The following CACHD1 variants were observed in gnomAD, a reference collection of about 807,000 sequenced individuals.
CACHD1 encodes cache domain containing 1, also known as VWFA and cache domain-containing protein 1.
CACHD1 carries 71 observed loss-of-function variants against 138.7 expected under a neutral mutation model. The observed-to-expected ratio is 0.51, with a 90% confidence interval of 0.42 to 0.62. CACHD1 has a LOEUF of 0.62. Among genes scored for constraint, CACHD1 ranks in the 20% least tolerant of loss-of-function variants. The probability of loss-of-function intolerance (pLI) is 0.00; values close to 1 mark genes in which losing one functional copy is unlikely to be tolerated. For synonymous variants in CACHD1, 578 were observed against 591.5 expected, an observed-to-expected ratio of 0.98 and a Z score of 0.33; for missense variants, 1,389 against 1,625.3, an observed-to-expected ratio of 0.85 and a Z score of 2.50.
At chr1:64,550,234 T>A (rs189043120) in intron 1 of CACHD1, among the ~76,000 whole-genome samples, 181 of 152,360 alleles carry the variant, frequency 1.2e-3, no homozygotes, top group Admixed American at 2.7e-3. Flanking sequence ...GATGTTAGTG[T>A]CCGTAAACAA....
chr1:64,540,294 A>G (rs1236906932), intron 1 of CACHD1, among the ~76,000 whole-genome samples: 1 of 152,126 alleles, frequency 6.6e-6, no homozygotes, highest in Non-Finnish European at 1.5e-5. Context: ...GTGAAACAAA[A>G]ATTGCCTTAA....
chr1:64,476,906 C>A (rs998148970), intron 1 of CACHD1, among the ~76,000 whole-genome samples: 2 of 152,084 alleles, frequency 1.3e-5, no homozygotes, highest in Admixed American at 6.6e-5. Context: ...CAGGCAGGAA[C>A]CTTGCAGAAC....
chr1:64,552,756 G>C (rs1310273198), intron 2 of CACHD1, among the ~76,000 whole-genome samples: 1 of 152,182 alleles, frequency 6.6e-6, no homozygotes, highest in African/African-American at 2.4e-5. Context: ...TGGGATTACA[G>C]GCATGGGCCA....
chr1:64,666,850 A>G (rs1043074595), intron 16 of CACHD1, among the ~76,000 whole-genome samples: 3 of 128,150 alleles, frequency 2.3e-5, no homozygotes, highest in Non-Finnish European at 4.6e-5. Flanking sequence ...TCCTGTCTCA[A>G]AAAAAAAAAA....
At chr1:64,558,082 C>A (rs1646812065) in intron 2 of CACHD1, among the ~76,000 whole-genome samples, 1 of 152,198 alleles carries the variant, frequency 6.6e-6, no homozygotes, top group African/African-American at 2.4e-5. Context: ...CAGGCATGAG[C>A]CACCACACCA....
intron 1 of CACHD1, among the ~76,000 whole-genome samples, chr1:64,507,648 A>G (rs549255155): frequency 3.9e-5 from 6 of 152,228 alleles, no homozygotes; most frequent in Non-Finnish European, 5.9e-5. Flanking sequence ...CTCAGGTTGT[A>G]TTAGGAACAC....
chr1:64,649,492 C>T (rs1649019355), intron 9 of CACHD1, among the ~76,000 whole-genome samples: 1 of 152,120 alleles, frequency 6.6e-6, no homozygotes, highest in South Asian at 2.1e-4. Flanking sequence ...ATGCATGTAG[C>T]TTACATTACT....
At chr1:64,508,241 A>G (rs550657060) in intron 1 of CACHD1, among the ~76,000 whole-genome samples, 1 of 152,354 alleles carries the variant, frequency 6.6e-6, no homozygotes, top group African/African-American at 2.4e-5. Flanking sequence ...TCCGTCTTCC[A>G]ACATTGGGGT....
At chr1:64,571,976 G>C (rs1282482241) in intron 2 of CACHD1, among the ~76,000 whole-genome samples, 1 of 152,148 alleles carries the variant, frequency 6.6e-6, no homozygotes, top group East Asian at 1.9e-4. Flanking sequence ...GTTACACTTA[G>C]TGTTTATAAG....
At chr1:64,478,811 T>C (rs1646191766) in intron 1 of CACHD1, among the ~76,000 whole-genome samples, 1 of 152,112 alleles carries the variant, frequency 6.6e-6, no homozygotes, top group African/African-American at 2.4e-5. Flanking sequence ...TGTTGCAAGC[T>C]GGAGGACATG....
chr1:64,584,216 G>C (rs1379489031), intron 3 of CACHD1, among the ~76,000 whole-genome samples: 1 of 152,146 alleles, frequency 6.6e-6, no homozygotes, highest in Non-Finnish European at 1.5e-5. Context: ...AACTTAAAAG[G>C]CTGGAAGAAA....
chr1:64,663,156 T>G (rs1165906272), intron 13 of CACHD1, among the ~76,000 whole-genome samples: 1 of 150,464 alleles, frequency 6.6e-6, no homozygotes, highest in Non-Finnish European at 1.5e-5. Context: ...TCAGATAGTT[T>G]GAAGAATTTC....
intron 2 of CACHD1, among the ~76,000 whole-genome samples, chr1:64,551,073 CTTAAA>C (rs1404573627): frequency 6.6e-6 from 1 of 152,124 alleles, no homozygotes; most frequent in African/African-American, 2.4e-5. Context: ...GTTTCTCAAT[CTTAAA>C]TAAGAGGAAC....
rs1055132827 is a variant in CACHD1 at position 64,470,677 on chromosome 1, G to T, written c.-68G>T. 18 of 457,684 alleles carry T rather than the reference G, an allele frequency of 3.9e-5. No homozygotes were observed. The highest frequency in any genetic ancestry group is 2.1e-4 in the South Asian group (5 of 23,898). 28.4% of individuals were successfully genotyped at this position (457,684 alleles called of 1,614,324 possible). ...TTTGCGGGGTGCGCCGCGCTTTTGC[G>T]GGGGGCACCTCCCGCGGCCCGCTTC... On this transcript the variant is annotated 5_prime_UTR_variant, in exon 1 of 27. Transcript: ENST00000651257. This position sits in a 1 kb window ranked among gnomAD's most constrained non-coding sequence, Gnocchi z 5.2.
chr1:64,650,220 C>T (rs1487264991), intron 9 of CACHD1, among the ~76,000 whole-genome samples: 4 of 152,146 alleles, frequency 2.6e-5, no homozygotes, highest in Non-Finnish European at 5.9e-5. Flanking sequence ...ACTTTGTTCT[C>T]AACCTGTCCA....
At chr1:64,599,712 AC>A (rs908506500) in intron 3 of CACHD1, among the ~76,000 whole-genome samples, 2 of 152,196 alleles carry the variant, frequency 1.3e-5, no homozygotes, top group Non-Finnish European at 2.9e-5. Flanking sequence ...GTTAGAGATT[AC>A]CTTTTCAGCA....
chr1:64,475,210 GCT>G (rs1281645404), intron 1 of CACHD1, among the ~76,000 whole-genome samples: 1 of 100,510 alleles, frequency 9.9e-6, no homozygotes, highest in East Asian at 3.5e-4. Flanking sequence ...CAGGATCTTT[GCT>G]CTGTCACCTA....
intron 26 of CACHD1, among the ~76,000 whole-genome samples, chr1:64,689,465 C>T (rs1474418375): frequency 6.6e-6 from 1 of 152,156 alleles, no homozygotes; most frequent in Non-Finnish European, 1.5e-5. Context: ...ATCCCACTGC[C>T]CTAGTTTAAT....
chr1:64,673,564 C>A, intron 19 of CACHD1, 100 bp downstream of exon 19: 1 of 990,430 alleles, frequency 1.0e-6, no homozygotes, highest in Non-Finnish European at 1.6e-6. Flanking sequence ...CTACCTGTTT[C>A]ATCGCCTTAG....
Sources: allele counts gnomAD v4.1 joint callset (sites outside exome capture counted in the v4.1 genomes callset), GRCh38; gene constraint gnomAD v4.1.1; non-coding constraint Gnocchi (gnomAD v3.1); transcripts MANE v1.5; gene names NCBI Gene and HGNC (gene_info 2026-07-23, HGNC 2026-07-21).